PIGU: variants seen among roughly 807,000 people sequenced by gnomAD.
The protein encoded by PIGU is GPI-anchor transamidase component PIGU.
In PIGU, 24 loss-of-function variants were observed where a neutral mutation model predicts 49.9. The ratio of observed to expected loss-of-function variants is 0.48; its 90% CI spans 0.35 to 0.68. The LOEUF (loss-of-function observed/expected upper bound fraction) is 0.68. Among genes scored for constraint, PIGU ranks in the 30% least tolerant of loss-of-function variants. PIGU has a pLI of 0.01. For missense variants in PIGU, 490 were observed against 532.6 expected, an observed-to-expected ratio of 0.92 and a Z score of 0.79; for synonymous variants, 220 against 205.7, an observed-to-expected ratio of 1.07 and a Z score of -0.59.
At chr20:34,650,536 T>C (rs1986499971) in intron 2 of PIGU, among the ~76,000 whole-genome samples, 1 of 152,118 alleles carries the variant, frequency 6.6e-6, no homozygotes, top group Admixed American at 6.6e-5. Flanking sequence ...TCCAAAGTGC[T>C]GGGATTACAA....
intron 11 of PIGU, among the ~76,000 whole-genome samples, chr20:34,562,765 C>T (rs190400053): frequency 2.6e-5 from 4 of 152,332 alleles, no homozygotes; most frequent in African/African-American, 9.6e-5. Context: ...AGGCAGCCCC[C>T]GAGGCCCTGC....
At chr20:34,569,052 A>T (rs1210638352) in intron 11 of PIGU, among the ~76,000 whole-genome samples, 1 of 151,908 alleles carries the variant, frequency 6.6e-6, no homozygotes, top group Non-Finnish European at 1.5e-5. Flanking sequence ...CCAAAAATTT[A>T]AAAAGTAGCC....
At chr20:34,676,859 G>C in intron 1 of PIGU, 97 bp downstream of exon 1, 1 of 1,516,532 alleles carries the variant, frequency 6.6e-7, no homozygotes, top group Non-Finnish European at 8.9e-7. Context: ...AGTTCTCTAG[G>C]AACCGCGCGC....
chr20:34,641,350 C>T (rs192876683), intron 4 of PIGU, among the ~76,000 whole-genome samples: 68 of 152,292 alleles, frequency 4.5e-4, no homozygotes, highest in Non-Finnish European at 8.1e-4. Context: ...CAGCACATTC[C>T]AAATTCAGGA....
chr20:34,663,468 C>A (rs1372227607), intron 1 of PIGU, among the ~76,000 whole-genome samples: 3 of 151,836 alleles, frequency 2.0e-5, no homozygotes, highest in African/African-American at 4.8e-5. Context: ...CAGAGGGAAA[C>A]CCTGTATCAA....
At chr20:34,578,743 G>C (rs560056996) in intron 10 of PIGU, among the ~76,000 whole-genome samples, 1 of 152,318 alleles carries the variant, frequency 6.6e-6, no homozygotes, top group Admixed American at 6.5e-5. Context: ...CTGGCTGACA[G>C]GCCAGAAGAT....
chr20:34,597,187 C>T (rs1984234413), intron 7 of PIGU, among the ~76,000 whole-genome samples: 1 of 152,112 alleles, frequency 6.6e-6, no homozygotes. Context: ...AAACTTGTAC[C>T]AGAATGTTCA....
At chr20:34,569,316 G>A (rs543530899) in intron 11 of PIGU, among the ~76,000 whole-genome samples, 11 of 152,180 alleles carry the variant, frequency 7.2e-5, no homozygotes, top group South Asian at 6.2e-4. Flanking sequence ...TGCAACCTTC[G>A]CCTACCGGGC....
intron 1 of PIGU, among the ~76,000 whole-genome samples, chr20:34,670,489 C>T (rs1987276570): frequency 6.6e-6 from 1 of 151,796 alleles, no homozygotes; most frequent in South Asian, 2.1e-4. Flanking sequence ...GCCACCTCGC[C>T]TGGCCATAAA....
intron 7 of PIGU, among the ~76,000 whole-genome samples, chr20:34,593,123 G>C (rs917808846): frequency 2.6e-5 from 4 of 152,070 alleles, no homozygotes; most frequent in African/African-American, 9.7e-5. Flanking sequence ...GATCACTTGA[G>C]CTCAGGAGTT....
intron 11 of PIGU, among the ~76,000 whole-genome samples, chr20:34,567,859 C>T (rs1452310685): frequency 6.6e-6 from 1 of 151,138 alleles, no homozygotes; most frequent in East Asian, 1.9e-4. Context: ...GGTCTTGCTA[C>T]CTAAAATCAT....
chr20:34,582,413 C>T (rs1249899489), intron 9 of PIGU, among the ~76,000 whole-genome samples: 5 of 152,186 alleles, frequency 3.3e-5, no homozygotes, highest in African/African-American at 4.8e-5. Context: ...GGCGCAGTGG[C>T]TCACATCTGT....
chr20:34,671,004 C>G (rs1600676979), intron 1 of PIGU, among the ~76,000 whole-genome samples: 1 of 152,192 alleles, frequency 6.6e-6, no homozygotes, highest in African/African-American at 2.4e-5. Context: ...TAACATTATT[C>G]CTGACAGATA....
chr20:34,662,641 GC>G (rs1357316045), intron 1 of PIGU, among the ~76,000 whole-genome samples: 1 of 152,096 alleles, frequency 6.6e-6, no homozygotes, highest in African/African-American at 2.4e-5. Flanking sequence ...GGATCTGCCT[GC>G]CTCAGCTTTT....
At chr20:34,638,869 T>C (rs989787405) in intron 4 of PIGU, among the ~76,000 whole-genome samples, 4 of 152,140 alleles carry the variant, frequency 2.6e-5, no homozygotes, top group Non-Finnish European at 5.9e-5. Flanking sequence ...GGTCAGAATA[T>C]AGATGAGAAA....
At chr20:34,608,953 G>A (rs1034540572) in intron 7 of PIGU, among the ~76,000 whole-genome samples, 3 of 152,002 alleles carry the variant, frequency 2.0e-5, no homozygotes, top group Admixed American at 2.0e-4. Flanking sequence ...AACTCTAAAG[G>A]GTCCACTTAG....
In PIGU at chr20:34,657,196, C is replaced by T; in HGVS notation, c.179G>A (p.Gly60Glu). ...LLDLGVSPYS[G>E]AVFHETPLII... ...AACACTTACTTCATGAAATACTGCT[C>T]CAGAATACGGAGATACTCCCAAGTC... Residue 60 changes from glycine to glutamate, a missense_variant, in exon 2 of 12, where the codon GGA becomes GAA. Transcript: ENST00000217446. The T allele has an allele frequency of 1.2e-6, 2 of 1,611,844 alleles. No homozygotes were observed. Among genetic ancestry groups the T allele is most frequent in the East Asian group, 4.5e-5 (2 of 44,870 alleles).
intron 2 of PIGU, among the ~76,000 whole-genome samples, chr20:34,652,822 G>A (rs1033964976): frequency 2.0e-5 from 3 of 152,046 alleles, no homozygotes; most frequent in Non-Finnish European, 2.9e-5. Flanking sequence ...AATATATTTT[G>A]TATAACTTGA....
chr20:34,675,867 C>G (rs1230299088), intron 1 of PIGU, among the ~76,000 whole-genome samples: 1 of 151,872 alleles, frequency 6.6e-6, no homozygotes, highest in Non-Finnish European at 1.5e-5. Context: ...AAAACAAAAA[C>G]AAAAAAACTT....
Sources: allele counts gnomAD v4.1 joint callset (sites outside exome capture counted in the v4.1 genomes callset), GRCh38; gene constraint gnomAD v4.1.1; transcripts MANE v1.5; gene names NCBI Gene and HGNC (gene_info 2026-07-23, HGNC 2026-07-21).